The following TPD52L1 variants were observed in gnomAD, a reference collection of about 807,000 sequenced individuals.
The protein encoded by TPD52L1 is TPD52 like 1.
In TPD52L1, 18 loss-of-function variants were observed where a neutral mutation model predicts 28.7. The observed-to-expected ratio is 0.63, with a 90% CI of 0.43 to 0.93. The LOEUF (loss-of-function observed/expected upper bound fraction) is 0.93, where lower values mean the gene tolerates loss of function less well. Among genes scored for constraint, TPD52L1 ranks in the 40% least tolerant of loss-of-function variants. The probability of loss-of-function intolerance (pLI) is 0.00; values close to 1 mark genes in which losing one functional copy is unlikely to be tolerated. For synonymous variants in TPD52L1, 75 were observed against 88.8 expected (o/e 0.84, Z 0.88); for missense variants, 203 against 254.8 (o/e 0.80, Z 1.39).
At chr6:125,219,968 T>G (rs758218515) in intron 1 of TPD52L1, 110 bp from the exon 2 acceptor site, 1 of 793,158 alleles carries the variant, frequency 1.3e-6, no homozygotes. Flanking sequence ...TTTTAGTTGT[T>G]TTTTGGTGGG....
In TPD52L1 at chr6:125,172,534, A is replaced by ACACAC. The variant is rs1562214364; in HGVS notation, c.19+18564_19+18565insCACAC. Among the ~76,000 whole-genome samples, 118 of 90,948 alleles carry ACACAC rather than the reference A, an allele frequency of 1.3e-3. 3 individuals carry two copies. The highest frequency in any genetic ancestry group is 5.8e-3 in the African/African-American group (114 of 19,598). The allele number at this position is 90,948 out of a possible 152,430, so 59.7% of individuals were successfully genotyped here. A position where few individuals can be genotyped will look rare whatever the true frequency, so the allele number is the denominator to read the frequency against. On this transcript the variant is annotated intron_variant, in intron 1 of 6. Coordinates refer to ENST00000534000, the MANE Select transcript of TPD52L1 (RefSeq NM_003287.4). ...ATGCTATATATATATATATATATAT[A>ACACAC]TATATATATATATATATAATATATA...
At chr6:125,261,646 G>C (rs892209986) in intron 6 of TPD52L1, 4 of 146,424 alleles carry the variant, frequency 2.7e-5, no homozygotes, top group African/African-American at 1.0e-4. Flanking sequence ...AAAAAAAAAA[G>C]GGCAAGTTGC....
At chr6:125,180,360 G>A (rs978607814) in intron 1 of TPD52L1, among the ~76,000 whole-genome samples, 1 of 152,146 alleles carries the variant, frequency 6.6e-6, no homozygotes, top group African/African-American at 2.4e-5. Flanking sequence ...ATTTGAAATT[G>A]AGTCTTTCCC....
At position 125,229,223 on chromosome 6, in the gene TPD52L1, C is replaced by T. The variant is rs1795799683; in HGVS notation, c.241C>T (p.Gln81Ter). 1.2e-6 allele frequency: 2 copies of T among 1,613,446 alleles called. No individual in the cohort carries two copies. The highest frequency in any genetic ancestry group is 1.7e-6 in the Non-Finnish European group (2 of 1,179,688). ...LGMNLMNELK[Q>*]NFSKSWHDMQ... ...CATGAACCTGATGAATGAATTAAAACAGAACTTCAGCAAAAGCTGGCATGA... is the reference window on the plus strand; with the variant it reads ...CATGAACCTGATGAATGAATTAAAATAGAACTTCAGCAAAAGCTGGCATGA... Residue 81 changes from glutamine to a stop codon, truncating the protein, a stop_gained, in exon 3 of 7, where the codon CAG becomes TAG. Transcript: ENST00000534000. LOFTEE classifies it high-confidence loss of function.
At chr6:125,198,386 C>T (rs1306904786) in intron 1 of TPD52L1, among the ~76,000 whole-genome samples, 2 of 152,104 alleles carry the variant, frequency 1.3e-5, no homozygotes, top group African/African-American at 2.4e-5. Context: ...CTTCATTGTC[C>T]ATCTTTACTC....
chr6:125,220,658 T>G (rs1310174715), intron 2 of TPD52L1, among the ~76,000 whole-genome samples: 1 of 152,170 alleles, frequency 6.6e-6, no homozygotes, highest in Non-Finnish European at 1.5e-5. Flanking sequence ...TTATAAGTTG[T>G]GTACTTTTTG....
intron 1 of TPD52L1, among the ~76,000 whole-genome samples, chr6:125,204,053 G>A (rs1465621801): frequency 6.6e-6 from 1 of 152,074 alleles, no homozygotes; most frequent in Non-Finnish European, 1.5e-5. Flanking sequence ...TCAGGATGGC[G>A]GATAAGATTC....
intron 3 of TPD52L1, among the ~76,000 whole-genome samples, chr6:125,236,386 G>A (rs113440036): frequency 6.6e-6 from 1 of 152,096 alleles, no homozygotes; most frequent in Admixed American, 6.5e-5. Context: ...CTATAGAAAT[G>A]TGTTTAAAAC....
intron 1 of TPD52L1, among the ~76,000 whole-genome samples, chr6:125,190,896 G>A (rs897165427): frequency 6.6e-6 from 1 of 152,112 alleles, no homozygotes; most frequent in African/African-American, 2.4e-5. Context: ...CCTGCTGTGC[G>A]GCCTTGTTCC....
chr6:125,156,561 G>A (rs1420925356), intron 1 of TPD52L1, among the ~76,000 whole-genome samples: 1 of 151,732 alleles, frequency 6.6e-6, no homozygotes, highest in African/African-American at 2.4e-5. Context: ...TTTGAGCCCA[G>A]GAGTTTGAGA....
chr6:125,236,120 C>T (rs1044254468), intron 3 of TPD52L1, among the ~76,000 whole-genome samples: 2 of 152,146 alleles, frequency 1.3e-5, no homozygotes, highest in Non-Finnish European at 2.9e-5. Flanking sequence ...ATTCACATAA[C>T]TCTTTTGGGC....
intron 1 of TPD52L1, among the ~76,000 whole-genome samples, chr6:125,161,991 A>G (rs79844938): frequency 2.4e-3 from 366 of 152,304 alleles, no homozygotes; most frequent in African/African-American, 8.3e-3. Context: ...TAACTATTAA[A>G]TTATCCAAGG....
At chr6:125,253,403 G>C (rs1287396268) in intron 4 of TPD52L1, 6 of 386,336 alleles carry the variant, frequency 1.6e-5, no homozygotes, top group African/African-American at 6.2e-5. Context: ...GTTGGGCCTG[G>C]AGAAGATGCC....
At chr6:125,176,678 T>C (rs1319928198) in intron 1 of TPD52L1, among the ~76,000 whole-genome samples, 2 of 152,254 alleles carry the variant, frequency 1.3e-5, no homozygotes, top group East Asian at 3.9e-4. Flanking sequence ...TTAATACAAA[T>C]AGATGTTAAA....
chr6:125,188,001 A>T (rs1472106385), intron 1 of TPD52L1, among the ~76,000 whole-genome samples: 1 of 152,032 alleles, frequency 6.6e-6, no homozygotes, highest in Non-Finnish European at 1.5e-5. Flanking sequence ...GAGCATTTAC[A>T]TTTAAGAATA....
chr6:125,259,755 TG>T (rs1797804435), intron 6 of TPD52L1, among the ~76,000 whole-genome samples: 2 of 152,370 alleles, frequency 1.3e-5, no homozygotes, highest in African/African-American at 4.8e-5. Flanking sequence ...TGTTTCTTTT[TG>T]TATTATGAGA....
At chr6:125,154,342 G>T (rs1172584383) in intron 1 of TPD52L1, 1 of 1,053,236 alleles carries the variant, frequency 9.5e-7, no homozygotes, top group Non-Finnish European at 1.1e-6. Context: ...GAGGGAGTGG[G>T]GAGGGAATGT....
chr6:125,204,318 G>C (rs1035135700), intron 1 of TPD52L1, among the ~76,000 whole-genome samples: 11 of 152,090 alleles, frequency 7.2e-5, no homozygotes, highest in African/African-American at 2.7e-4. Context: ...ATGGAGTGAT[G>C]GTTCTAGTAG....
chr6:125,157,580 T>G (rs1364536595), intron 1 of TPD52L1, among the ~76,000 whole-genome samples: 1 of 152,156 alleles, frequency 6.6e-6, no homozygotes, highest in Non-Finnish European at 1.5e-5. Flanking sequence ...AACTGATATG[T>G]TAGAGAGGGA....
Sources: allele counts gnomAD v4.1 joint callset (sites outside exome capture counted in the v4.1 genomes callset), GRCh38; gene constraint gnomAD v4.1.1; transcripts MANE v1.5; gene names NCBI Gene and HGNC (gene_info 2026-07-23, HGNC 2026-07-21).